Variants in DYRK1A observed in about 807,000 individuals in gnomAD.
DYRK1A encodes dual specificity tyrosine-phosphorylation-regulated kinase 1A.
DYRK1A carries 9 observed loss-of-function variants against 79.7 expected under a neutral mutation model. That is an observed-to-expected ratio of 0.11 (90% CI 0.07 to 0.20). The LOEUF (loss-of-function observed/expected upper bound fraction) is 0.20. Among genes scored for constraint, DYRK1A ranks in the 10% least tolerant of loss-of-function variants. DYRK1A has a pLI of 1.00. For synonymous variants in DYRK1A, 349 were observed against 329.7 expected, an observed-to-expected ratio of 1.06 and a Z score of -0.63; for missense variants, 622 against 956.0, an observed-to-expected ratio of 0.65 and a Z score of 4.61.
intron 11 of DYRK1A, among the ~76,000 whole-genome samples, 158 bp from the exon 12 acceptor site, chr21:37,511,753 A>T (rs746027180): frequency 3.3e-5 from 5 of 152,196 alleles, no homozygotes; most frequent in Non-Finnish European, 7.3e-5. Flanking sequence ...TGTATTTGGG[A>T]TTTTGTGTTA....
chr21:37,425,162 C>T (rs930091033), intron 2 of DYRK1A, among the ~76,000 whole-genome samples: 2 of 152,064 alleles, frequency 1.3e-5, no homozygotes, highest in Non-Finnish European at 2.9e-5. Context: ...CCAGCTAGTC[C>T]GATAGTTCCT....
intron 1 of DYRK1A, among the ~76,000 whole-genome samples, chr21:37,402,926 C>T (rs1200257598): frequency 1.3e-5 from 2 of 151,908 alleles, no homozygotes; most frequent in Non-Finnish European, 2.9e-5. Context: ...ACTATGCCTG[C>T]CTAATTTTTG....
intron 1 of DYRK1A, among the ~76,000 whole-genome samples, chr21:37,379,329 A>G (rs144815496): frequency 7.5e-4 from 115 of 152,318 alleles, no homozygotes; most frequent in African/African-American, 2.6e-3. Context: ...AACCTTAAAA[A>G]TATTCTTAAT....
At chr21:37,464,171 T>G (rs2051946547) in intron 2 of DYRK1A, 1 of 325,112 alleles carries the variant, frequency 3.1e-6, no homozygotes, top group Non-Finnish European at 6.1e-6. Context: ...TTTCTCATGC[T>G]TTTTGTATTT....
At chr21:37,438,961 A>G (rs1412380680) in intron 2 of DYRK1A, among the ~76,000 whole-genome samples, 6 of 152,046 alleles carry the variant, frequency 3.9e-5, no homozygotes, top group Non-Finnish European at 5.9e-5. Flanking sequence ...ACATATATCT[A>G]TTTAGCCCTT....
chr21:37,406,801 AATT>A (rs1263109686), intron 1 of DYRK1A, among the ~76,000 whole-genome samples: 1 of 147,768 alleles, frequency 6.8e-6, no homozygotes, highest in African/African-American at 2.5e-5. Flanking sequence ...ATATGTATAT[AATT>A]ATATATATCT....
At chr21:37,395,517 C>T (rs541149492) in intron 1 of DYRK1A, among the ~76,000 whole-genome samples, 1 of 152,152 alleles carries the variant, frequency 6.6e-6, no homozygotes, top group East Asian at 1.9e-4. Flanking sequence ...AACCTTATTC[C>T]TTAATGTTTA....
intron 2 of DYRK1A, among the ~76,000 whole-genome samples, chr21:37,452,277 G>A (rs2051479198): frequency 6.6e-6 from 1 of 151,020 alleles, no homozygotes; most frequent in East Asian, 2.0e-4. Flanking sequence ...GATCTTGACA[G>A]AGCATGGAAA....
At chr21:37,477,553 A>G (rs1277653694) in intron 3 of DYRK1A, among the ~76,000 whole-genome samples, 1 of 152,118 alleles carries the variant, frequency 6.6e-6, no homozygotes, top group Non-Finnish European at 1.5e-5. Flanking sequence ...GGAACCCCTC[A>G]TTGCCTGTCA....
intron 4 of DYRK1A, among the ~76,000 whole-genome samples, chr21:37,479,578 A>G (rs1296256928): frequency 1.7e-5 from 2 of 117,638 alleles, no homozygotes; most frequent in East Asian, 5.6e-4. Flanking sequence ...AGTCTTAGAA[A>G]CAGTGTTGGT....
intron 2 of DYRK1A, among the ~76,000 whole-genome samples, chr21:37,450,135 A>G (rs144582034): frequency 1.9e-4 from 29 of 152,292 alleles, no homozygotes; most frequent in African/African-American, 6.0e-4. Context: ...GGAGTGACCC[A>G]TCAAGACTCC....
At position 37,483,462 on chromosome 21, in the gene DYRK1A, A is replaced by T. The variant is rs571838942; in HGVS notation, c.489+2636A>T. Among the ~76,000 whole-genome samples, 8 of 152,280 alleles carry T rather than the reference A, an allele frequency of 5.3e-5. No homozygotes were observed. In the South Asian group the frequency reaches 1.7e-3, roughly 32 times the overall value. ...TGTCACGTGTATATGTCTTCTTCCC[A>T]TGATTTGAAAGAATTTTGGTAATTA... On this transcript the variant is annotated intron_variant, in intron 5 of 11. Transcript: ENST00000647188.
intron 2 of DYRK1A, among the ~76,000 whole-genome samples, chr21:37,432,795 G>A (rs996928656): frequency 1.3e-5 from 2 of 151,788 alleles, no homozygotes; most frequent in Non-Finnish European, 2.9e-5. Flanking sequence ...ATTTCTTATA[G>A]GGGAGAAAAT....
intron 2 of DYRK1A, chr21:37,425,633 A>G (rs1164425444): frequency 2.0e-5 from 3 of 152,322 alleles, no homozygotes; most frequent in South Asian, 2.1e-4. Flanking sequence ...AAGAATGTCT[A>G]AGTTCTAGGA....
At chr21:37,496,068 T>A in intron 8 of DYRK1A, 50 bp from the exon 9 acceptor site, 1 of 1,558,836 alleles carries the variant, frequency 6.4e-7, no homozygotes, top group Non-Finnish European at 8.7e-7. Context: ...TGAGCAGGAG[T>A]AGATGTACAG....
At chr21:37,377,154 C>G (rs1185094254) in intron 1 of DYRK1A, among the ~76,000 whole-genome samples, 3 of 152,168 alleles carry the variant, frequency 2.0e-5, no homozygotes, top group African/African-American at 7.2e-5. Flanking sequence ...GAGTCTCGCT[C>G]TTTCCCCAAG....
chr21:37,481,715 A>AT (rs2052647873), intron 5 of DYRK1A: 2 of 151,942 alleles, frequency 1.3e-5, no homozygotes, highest in Non-Finnish European at 1.5e-5. Context: ...TTTTAAAAAT[A>AT]TTTTTTCGGG....
intron 1 of DYRK1A, among the ~76,000 whole-genome samples, chr21:37,411,144 T>A (rs750415682): frequency 1.4e-5 from 2 of 145,276 alleles, no homozygotes; most frequent in Admixed American, 7.0e-5. Context: ...GATCATGAGG[T>A]CAGGAGTTCG....
At chr21:37,455,287 A>C (rs1321772498) in intron 2 of DYRK1A, among the ~76,000 whole-genome samples, 2 of 151,896 alleles carry the variant, frequency 1.3e-5, no homozygotes, top group South Asian at 4.2e-4. Context: ...TGCCAGTTTT[A>C]ATTTTCTCAG....
Sources: gnomAD v4.1 joint callset for allele counts (sites outside exome capture counted in the v4.1 genomes callset) on GRCh38, gnomAD v4.1.1 for gene constraint, MANE v1.5 for transcripts, NCBI Gene and HGNC (gene_info 2026-07-23, HGNC 2026-07-21) for gene names.